MACROD2: variants seen among roughly 807,000 people sequenced by gnomAD.
The protein encoded by MACROD2 is ADP-ribose glycohydrolase MACROD2.
MACROD2 carries 36 observed loss-of-function variants against 70.4 expected under a neutral mutation model. That is an observed-to-expected ratio of 0.51 (90% CI 0.39 to 0.68). The LOEUF is 0.68. MACROD2 is among the 30% of genes least tolerant of loss of function. The pLI is 0.00. For synonymous variants in MACROD2, 172 were observed against 178.8 expected (o/e 0.96, Z 0.30); for missense variants, 496 against 538.4 (o/e 0.92, Z 0.78).
At chr20:15,811,029 A>G (rs55734008) in intron 8 of MACROD2, among the ~76,000 whole-genome samples, 22,620 of 149,448 alleles carry the variant, frequency 0.15, 1,811 homozygotes, top group Middle Eastern at 0.3. Context: ...AGGCATGGGC[A>G]AGGACTTCAT....
At chr20:15,974,820 C>T (rs984759925) in intron 13 of MACROD2, among the ~76,000 whole-genome samples, 1 of 151,886 alleles carries the variant, frequency 6.6e-6, no homozygotes, top group Non-Finnish European at 1.5e-5. Context: ...CTTGCAGACA[C>T]AGGATGGTAT....
At chr20:14,238,422 C>G (rs1226832521) in intron 3 of MACROD2, among the ~76,000 whole-genome samples, 2 of 152,122 alleles carry the variant, frequency 1.3e-5, no homozygotes, top group African/African-American at 4.8e-5. Flanking sequence ...ATAATAAGAA[C>G]TATGTATGAA....
intron 6 of MACROD2, among the ~76,000 whole-genome samples, chr20:15,409,703 G>A (rs2046051196): frequency 6.6e-6 from 1 of 152,186 alleles, no homozygotes; most frequent in African/African-American, 2.4e-5. Context: ...GTTCCTAGAG[G>A]AGGGCTCCAT....
chr20:14,099,325 T>C (rs146597234), intron 3 of MACROD2, among the ~76,000 whole-genome samples: 4 of 152,086 alleles, frequency 2.6e-5, no homozygotes. Context: ...AGAAGCCCTC[T>C]TGGCATCCCT....
intron 6 of MACROD2, among the ~76,000 whole-genome samples, chr20:15,233,961 A>ATT (rs1245917152): frequency 1.1e-4 from 8 of 72,530 alleles, no homozygotes; most frequent in African/African-American, 4.5e-4. Flanking sequence ...GATCCAAAAA[A>ATT]TTTATTTTTA....
At chr20:16,041,325 T>C (rs2067305062) in intron 16 of MACROD2, 47 bp downstream of exon 16, 1 of 1,463,056 alleles carries the variant, frequency 6.8e-7, no homozygotes, top group African/African-American at 1.4e-5. Flanking sequence ...AAATCTGGCA[T>C]ATTTTCTATG....
chr20:14,368,145 T>G (rs943631050), intron 3 of MACROD2, among the ~76,000 whole-genome samples: 6 of 152,228 alleles, frequency 3.9e-5, no homozygotes, highest in African/African-American at 1.4e-4. Flanking sequence ...ATTTAAAGTC[T>G]TTATTCATTA....
chr20:15,941,147 C>T (rs993023351), intron 12 of MACROD2, among the ~76,000 whole-genome samples: 5 of 152,106 alleles, frequency 3.3e-5, no homozygotes, highest in African/African-American at 1.2e-4. Context: ...TAACATAAAA[C>T]TTTTAATGAT....
At chr20:14,444,533 G>A (rs1359307757) in intron 3 of MACROD2, among the ~76,000 whole-genome samples, 1 of 151,794 alleles carries the variant, frequency 6.6e-6, no homozygotes, top group Non-Finnish European at 1.5e-5. Context: ...GCTCTTTTCT[G>A]ACTACATTCA....
chr20:15,068,987 C>T (rs2075598769), intron 5 of MACROD2, among the ~76,000 whole-genome samples: 1 of 152,012 alleles, frequency 6.6e-6, no homozygotes, highest in South Asian at 2.1e-4. Context: ...GACCAAAATG[C>T]CAATAGAAAT....
chr20:15,277,883 A>C (rs532890639), intron 6 of MACROD2, among the ~76,000 whole-genome samples: 32 of 152,292 alleles, frequency 2.1e-4, no homozygotes, highest in South Asian at 1.9e-3. Context: ...TCTCCAAAGC[A>C]GTGGTGTTTC....
intron 3 of MACROD2, among the ~76,000 whole-genome samples, chr20:14,332,187 A>G (rs73901234): frequency 0.075 from 11,462 of 152,186 alleles, 717 homozygotes; most frequent in African/African-American, 0.18. Flanking sequence ...GTTTATTTTT[A>G]CAAATAAAAA....
chr20:14,241,000 G>A (rs1435486500), intron 3 of MACROD2, among the ~76,000 whole-genome samples: 2 of 152,074 alleles, frequency 1.3e-5, no homozygotes, highest in Non-Finnish European at 2.9e-5. Context: ...GTGGTGGCAC[G>A]TGCCTGTAAT....
At chr20:15,749,947 G>A (rs933490925) in intron 8 of MACROD2, among the ~76,000 whole-genome samples, 1 of 151,866 alleles carries the variant, frequency 6.6e-6, no homozygotes, top group Non-Finnish European at 1.5e-5. Flanking sequence ...GCCTGGGCAA[G>A]GACTTTTAAA....
chr20:15,383,104 G>A (rs1387519311), intron 6 of MACROD2, among the ~76,000 whole-genome samples: 2 of 152,168 alleles, frequency 1.3e-5, no homozygotes, highest in Non-Finnish European at 2.9e-5. Context: ...GTTTCAATGA[G>A]ATGAAGAAAA....
At chr20:14,738,084 A>AAT (rs1472112293) in intron 5 of MACROD2, among the ~76,000 whole-genome samples, 1 of 42,108 alleles carries the variant, frequency 2.4e-5, no homozygotes, top group Non-Finnish European at 4.7e-5. Context: ...TATTCTATCA[A>AAT]GTGTTTTTTT....
intron 3 of MACROD2, among the ~76,000 whole-genome samples, chr20:14,451,809 C>G (rs908467649): frequency 2.0e-5 from 3 of 152,130 alleles, no homozygotes; most frequent in Non-Finnish European, 2.9e-5. Flanking sequence ...GCTAAGTGAC[C>G]TTTTACCTTT....
intron 4 of MACROD2, among the ~76,000 whole-genome samples, chr20:14,642,901 T>C (rs566044626): frequency 1.3e-5 from 2 of 152,022 alleles, no homozygotes; most frequent in Admixed American, 6.6e-5. Flanking sequence ...GTGGTGCTGA[T>C]AGTCTTGCTC....
intron 3 of MACROD2, among the ~76,000 whole-genome samples, chr20:14,487,121 T>C (rs1407379403): frequency 6.6e-6 from 1 of 152,172 alleles, no homozygotes; most frequent in Non-Finnish European, 1.5e-5. Context: ...ACGCCAGACT[T>C]TGGACTTGGT....
Sources: allele counts gnomAD v4.1 joint callset (sites outside exome capture counted in the v4.1 genomes callset), GRCh38; gene constraint gnomAD v4.1.1; transcripts MANE v1.5; gene names NCBI Gene and HGNC (gene_info 2026-07-23, HGNC 2026-07-21).